The following FMN1 variants were observed in gnomAD, a reference collection of about 807,000 sequenced individuals.
FMN1 encodes the protein formin-1.
In FMN1, 110 loss-of-function variants were observed where a neutral mutation model predicts 132.4. That is an observed-to-expected ratio of 0.83 (90% CI 0.71 to 0.97). The LOEUF (loss-of-function observed/expected upper bound fraction) is 0.97. Ranked by LOEUF, FMN1 falls within the 50% of genes least tolerant of loss-of-function variation. The pLI is 0.00. For missense variants in FMN1, 1,792 were observed against 1,705.3 expected, an observed-to-expected ratio of 1.05 and a Z score of -0.90; for synonymous variants, 722 against 651.7, an observed-to-expected ratio of 1.11 and a Z score of -1.64.
At chr15:33,066,474 T>C (rs1305500687) in intron 5 of FMN1, 31 of 1,430,716 alleles carry the variant, frequency 2.2e-5, no homozygotes, top group Non-Finnish European at 2.6e-5. Context: ...AGCAGCACCA[T>C]ATTTTATGTT....
chr15:33,143,702 G>A (rs1029699864), intron 4 of FMN1, among the ~76,000 whole-genome samples: 13 of 152,160 alleles, frequency 8.5e-5, no homozygotes, highest in East Asian at 1.9e-4. Flanking sequence ...ACAATTTGTC[G>A]CTTGCAGCCA....
At chr15:32,869,582 T>C (rs1026196506) in intron 16 of FMN1, among the ~76,000 whole-genome samples, 19 of 152,162 alleles carry the variant, frequency 1.2e-4, no homozygotes, top group Admixed American at 8.5e-4. Context: ...CAGGAAGTCA[T>C]TGGTATAAAA....
At chr15:32,898,659 TTCATA>T (rs2060217706) in intron 15 of FMN1, among the ~76,000 whole-genome samples, 170 bp downstream of exon 15, 1 of 152,216 alleles carries the variant, frequency 6.6e-6, no homozygotes, top group South Asian at 2.1e-4. Flanking sequence ...AATGCTTCTC[TTCATA>T]AGTCAACTAA....
chr15:32,857,209 C>G, intron 16 of FMN1, 102 bp from the exon 17 acceptor site: 1 of 857,568 alleles, frequency 1.2e-6, no homozygotes. Context: ...ATTGTGCACA[C>G]TCCTTGTCAA....
chr15:32,911,224 T>C (rs2060553994), intron 10 of FMN1, among the ~76,000 whole-genome samples: 1 of 152,216 alleles, frequency 6.6e-6, no homozygotes, highest in African/African-American at 2.4e-5. Flanking sequence ...TTCCCATAGA[T>C]ACTGGGATGC....
intron 6 of FMN1, among the ~76,000 whole-genome samples, chr15:33,013,932 G>T (rs548219448): frequency 6.6e-6 from 1 of 152,366 alleles, no homozygotes; most frequent in African/African-American, 2.4e-5. Flanking sequence ...CTATATGGGT[G>T]TGACAGATAT....
At chr15:33,149,987 C>T (rs1964378800) in intron 4 of FMN1, 1 of 985,078 alleles carries the variant, frequency 1.0e-6, no homozygotes, top group Non-Finnish European at 1.2e-6. Context: ...TTCATGGGCA[C>T]AAGAATTGAT....
At chr15:32,925,483 G>C (rs1349486750) in intron 10 of FMN1, among the ~76,000 whole-genome samples, 1 of 152,106 alleles carries the variant, frequency 6.6e-6, no homozygotes, top group African/African-American at 2.4e-5. Context: ...CTAAAATGTG[G>C]GGAAGTCTAC....
rs553491658 is a variant in FMN1 at position 33,015,348 on chromosome 15, G to A, written c.2162-7273C>T. The stretch of plus-strand genomic sequence containing the variant: ...CACAGGGAGGTTTGAAGAGCCAGGG[G>A]TCAGAGTGAATGGTGTGAATTTCAA... On this transcript the variant is annotated intron_variant, in intron 6 of 20. Coordinates refer to ENST00000616417, the MANE Select transcript of FMN1 (RefSeq NM_001277313.2). 2.0e-5 allele frequency among the ~76,000 whole-genome samples: 3 copies of A among 152,272 alleles called. No individual in the cohort carries two copies. The East Asian group carries it at 5.8e-4, about 29-fold the overall frequency.
intron 15 of FMN1, among the ~76,000 whole-genome samples, chr15:32,894,284 A>G (rs347929): frequency 0.016 from 2,426 of 152,248 alleles, 63 homozygotes; most frequent in African/African-American, 0.056. Flanking sequence ...CAGGAGTTCG[A>G]GACCAGCCTG....
chr15:32,913,596 G>A (rs1362077595), intron 10 of FMN1, among the ~76,000 whole-genome samples: 1 of 152,132 alleles, frequency 6.6e-6, no homozygotes, highest in African/African-American at 2.4e-5. Context: ...AGCCCTGGAA[G>A]GACATCCTTT....
intron 17 of FMN1, among the ~76,000 whole-genome samples, chr15:32,837,804 T>A (rs1457975242): frequency 1.3e-5 from 2 of 152,212 alleles, no homozygotes; most frequent in Non-Finnish European, 2.9e-5. Context: ...AAATGCTGAA[T>A]GAACAACTGA....
intron 9 of FMN1, among the ~76,000 whole-genome samples, chr15:32,944,273 T>C (rs1330812113): frequency 2.0e-5 from 3 of 152,224 alleles, no homozygotes; most frequent in Non-Finnish European, 4.4e-5. Flanking sequence ...CCTGCCACTC[T>C]GCCATCACAC....
intron 9 of FMN1, among the ~76,000 whole-genome samples, chr15:32,939,707 T>TC (rs2061359142): frequency 1.3e-5 from 2 of 152,172 alleles, no homozygotes; most frequent in Non-Finnish European, 2.9e-5. Flanking sequence ...GTATTTAGTC[T>TC]CCCAAATCCA....
At chr15:33,059,567 T>C (rs2037389096) in intron 6 of FMN1, among the ~76,000 whole-genome samples, 1 of 151,988 alleles carries the variant, frequency 6.6e-6, no homozygotes, top group South Asian at 2.1e-4. Context: ...ACTGGTACAT[T>C]GGCAAAAAGA....
intron 15 of FMN1, among the ~76,000 whole-genome samples, chr15:32,897,359 G>A (rs1203896754): frequency 6.6e-6 from 1 of 152,106 alleles, no homozygotes; most frequent in Non-Finnish European, 1.5e-5. Flanking sequence ...GTCTGGTTAA[G>A]TCTGTAACAC....
chr15:32,953,267 C>CATGA (rs1567454777), intron 9 of FMN1, among the ~76,000 whole-genome samples: 2 of 152,198 alleles, frequency 1.3e-5, no homozygotes, highest in Non-Finnish European at 2.9e-5. Flanking sequence ...TGACGACACA[C>CATGA]ATGATTTCTT....
In FMN1 at chr15:33,122,229, A is replaced by G. The variant is rs537620672; in HGVS notation, c.1867+30819T>C. ...GACCTATAGTCACCAAAAAAAGTGA[A>G]TAAGCTAAGTCTTATTTATTCTTGT... On this transcript the variant is annotated intron_variant, in intron 4 of 20. Coordinates refer to ENST00000616417, the MANE Select transcript of FMN1 (RefSeq NM_001277313.2). Among the ~76,000 whole-genome samples the G allele has an allele frequency of 9.8e-5, 15 of 152,352 alleles. No individual in the cohort carries two copies. The South Asian group carries it at 1.0e-3, about 11-fold the overall frequency.
chr15:33,083,582 C>A (rs558366659), intron 5 of FMN1, among the ~76,000 whole-genome samples: 111 of 152,308 alleles, frequency 7.3e-4, no homozygotes, highest in African/African-American at 2.6e-3. Context: ...TGCTCTGGAC[C>A]CTTCCAGACC....
Sources: gnomAD v4.1 joint callset for allele counts (sites outside exome capture counted in the v4.1 genomes callset) on GRCh38, gnomAD v4.1.1 for gene constraint, MANE v1.5 for transcripts, NCBI Gene and HGNC (gene_info 2026-07-23, HGNC 2026-07-21) for gene names.